Variants in PATJ observed in about 807,000 individuals in gnomAD.
The protein encoded by PATJ is inaD-like protein.
PATJ carries 190 observed loss-of-function variants against 224.9 expected under a neutral mutation model. The observed-to-expected ratio is 0.84, with a 90% confidence interval of 0.75 to 0.95. The LOEUF is 0.95. Ranked by LOEUF, PATJ falls within the 40% of genes least tolerant of loss-of-function variation. The pLI is 0.00. For synonymous variants in PATJ, 769 were observed against 820.3 expected, an observed-to-expected ratio of 0.94 and a Z score of 1.07; for missense variants, 2,121 against 2,270.3, an observed-to-expected ratio of 0.93 and a Z score of 1.34.
At chr1:62,089,897 G>A (rs192799422) in intron 33 of PATJ, among the ~76,000 whole-genome samples, 1 of 152,262 alleles carries the variant, frequency 6.6e-6, no homozygotes, top group African/African-American at 2.4e-5. Context: ...TCTGGCATGG[G>A]GAAAGAGTAT....
rs570855104 is a variant in PATJ, at chr1:62,146,143, G to A, written c.5272-2141G>A. On this transcript the variant is annotated intron_variant, in intron 41 of 43. Coordinates refer to ENST00000642238, the MANE Select transcript of PATJ (RefSeq NM_001350145.3). ...ACCACACAGATGCCAAATACAGAAC[G>A]TGCCAGGCAGAAGGCACAGCGGTTA... Among the ~76,000 whole-genome samples the A allele has an allele frequency of 7.9e-5, 12 of 152,180 alleles. No homozygotes were observed. The East Asian group carries it at 1.7e-3, about 22-fold the overall frequency.
intron 25 of PATJ, 122 bp from the exon 26 acceptor site, chr1:61,914,465 A>G (rs1371689721): frequency 2.0e-6 from 1 of 491,750 alleles, no homozygotes; most frequent in Admixed American, 3.7e-5. Flanking sequence ...TCAGAAAAAG[A>G]AAAAAACAGA....
intron 17 of PATJ, among the ~76,000 whole-genome samples, chr1:61,844,247 A>G (rs1014285356): frequency 6.6e-6 from 1 of 152,242 alleles, no homozygotes; most frequent in African/African-American, 2.4e-5. Context: ...GGGATTGGAC[A>G]TTCCAGCCAC....
rs1420375933 is a variant in PATJ, at chr1:61,845,117, C to A, written c.2113-10913C>A. Among the ~76,000 whole-genome samples, 4 of 152,074 alleles carry A rather than the reference C, an allele frequency of 2.6e-5. No homozygotes were observed. In the East Asian group the frequency reaches 7.7e-4, roughly 29 times the overall value. On this transcript the variant is annotated intron_variant, in intron 17 of 43. Coordinates refer to ENST00000642238, the MANE Select transcript of PATJ (RefSeq NM_001350145.3). ...TCTGCTGGGGGTCTTCGAACGTATT[C>A]CTTATAGATAAGGGGGGACTACTGT...
chr1:61,875,105 A>G (rs1667175055), intron 20 of PATJ, 138 bp from the exon 21 acceptor site: 1 of 507,628 alleles, frequency 2.0e-6, no homozygotes, highest in Admixed American at 3.9e-5. Flanking sequence ...ACTGCTTACC[A>G]CAGTATAAAC....
Position 62,093,144 on chromosome 1 carries a change from C to A in PATJ, c.4377+8496C>A, listed in dbSNP as rs1032622529. Reference sequence around the variant, plus strand: ...AATTCATTCTTATTAAACAGAAGTTCTATAGGGCAGCTACGTTAGCAAGAA... The same window carrying A: ...AATTCATTCTTATTAAACAGAAGTTATATAGGGCAGCTACGTTAGCAAGAA... On this transcript the variant is annotated intron_variant, in intron 33 of 43. Coordinates refer to ENST00000642238, the MANE Select transcript of PATJ (RefSeq NM_001350145.3). Among the ~76,000 whole-genome samples, 21 of 152,216 alleles carry A rather than the reference C, an allele frequency of 1.4e-4. No homozygotes were observed. The South Asian group carries it at 3.9e-3, about 29-fold the overall frequency.
At chr1:61,871,566 T>A (rs375440632) in intron 20 of PATJ, among the ~76,000 whole-genome samples, 6,804 of 90,906 alleles carry the variant, frequency 0.075, 300 homozygotes, top group East Asian at 0.27. Flanking sequence ...TATTTTTTTT[T>A]TTTTTTTTTT....
At chr1:61,993,492 C>G (rs1645181446) in intron 28 of PATJ, among the ~76,000 whole-genome samples, 1 of 152,060 alleles carries the variant, frequency 6.6e-6, no homozygotes, top group Non-Finnish European at 1.5e-5. Flanking sequence ...ACTGAACATT[C>G]CAAGCTTTTA....
intron 42 of PATJ, among the ~76,000 whole-genome samples, chr1:62,148,648 G>A (rs972059064): frequency 6.6e-6 from 1 of 152,134 alleles, no homozygotes; most frequent in Non-Finnish European, 1.5e-5. Context: ...AAGAAACCAC[G>A]GATGTATAGC....
At chr1:61,832,224 A>G (rs925185986) in intron 16 of PATJ, among the ~76,000 whole-genome samples, 16 of 152,152 alleles carry the variant, frequency 1.1e-4, no homozygotes, top group Non-Finnish European at 4.4e-5. Context: ...CCTGTCAGGC[A>G]CTATGCTTAT....
At chr1:62,033,034 C>T (rs1247731261) in intron 29 of PATJ, among the ~76,000 whole-genome samples, 2 of 152,158 alleles carry the variant, frequency 1.3e-5, no homozygotes, top group Non-Finnish European at 2.9e-5. Context: ...CACCTGGTCT[C>T]TCCTTTGACA....
intron 17 of PATJ, among the ~76,000 whole-genome samples, chr1:61,845,295 A>G (rs1178502553): frequency 2.0e-5 from 3 of 152,220 alleles, no homozygotes; most frequent in Non-Finnish European, 4.4e-5. Flanking sequence ...CCACCCAGTT[A>G]GTAAATGGAG....
At chr1:62,045,093 C>T (rs923705721) in intron 30 of PATJ, among the ~76,000 whole-genome samples, 72 of 152,126 alleles carry the variant, frequency 4.7e-4, no homozygotes, top group Admixed American at 2.3e-3. Context: ...TGGTGGCGTG[C>T]GCCTGTAATC....
At chr1:61,778,777 C>A (rs943023716) in intron 7 of PATJ, among the ~76,000 whole-genome samples, 1 of 151,978 alleles carries the variant, frequency 6.6e-6, no homozygotes, top group Admixed American at 6.6e-5. Context: ...CTTGGCTCAC[C>A]ACAACCTCTG....
intron 1 of PATJ, among the ~76,000 whole-genome samples, chr1:61,758,767 TTTG>T (rs144772650): frequency 0.19 from 28,679 of 151,954 alleles, 3,067 homozygotes; most frequent in Non-Finnish European, 0.25. Flanking sequence ...ATCTCTAGTT[TTTG>T]TTGTTGTTGT....
intron 42 of PATJ, among the ~76,000 whole-genome samples, chr1:62,148,879 C>T (rs918814444): frequency 3.3e-5 from 5 of 152,068 alleles, no homozygotes; most frequent in Admixed American, 3.3e-4. Flanking sequence ...GTAATCCCTG[C>T]GTTTTGGGAG....
Position 61,769,375 on chromosome 1 carries a change from A to C in PATJ, c.477A>C (p.Lys159Asn). The C allele has an allele frequency of 6.2e-7, 1 of 1,614,126 alleles. No homozygotes were observed. Among genetic ancestry groups the C allele is most frequent in the South Asian group, 1.1e-5 (1 of 91,078 alleles). ...VVALRSQNLG[K>N]VDIFVKDVQP... is the part of the protein sequence containing the mutation. ...CCCTCAGAAGTCAAAATCTCGGAAA[A>C]GTTGATATCTTCGTGAAGGATGTCC... Residue 159 changes from lysine to asparagine, a missense_variant, in exon 5 of 44, where the codon AAA becomes AAC. Lys to Asn is a moderately conservative substitution (Grantham distance 94, BLOSUM62 0). Coordinates refer to ENST00000642238, the MANE Select transcript of PATJ (RefSeq NM_001350145.3).
chr1:61,937,207 G>C (rs1490159161), intron 27 of PATJ, among the ~76,000 whole-genome samples: 2 of 151,876 alleles, frequency 1.3e-5, no homozygotes, highest in Non-Finnish European at 2.9e-5. Flanking sequence ...AAGAATTCAA[G>C]GACCACTGGT....
chr1:61,812,203 G>C (rs1360741579), intron 14 of PATJ, among the ~76,000 whole-genome samples: 1 of 151,994 alleles, frequency 6.6e-6, no homozygotes, highest in Non-Finnish European at 1.5e-5. Flanking sequence ...GTCATTCGAT[G>C]TTTTGTCTTT....
Sources: allele counts gnomAD v4.1 joint callset (sites outside exome capture counted in the v4.1 genomes callset), GRCh38; gene constraint gnomAD v4.1.1; transcripts MANE v1.5; gene names NCBI Gene and HGNC (gene_info 2026-07-23, HGNC 2026-07-21).